PHIP: variants seen among roughly 807,000 people sequenced by gnomAD.
The protein encoded by PHIP is PH-interacting protein.
A neutral mutation model predicts 236.8 loss-of-function variants in PHIP; 54 were observed. The observed-to-expected ratio is 0.23, with a 90% CI of 0.18 to 0.29. PHIP has a LOEUF of 0.29. Among genes scored for constraint, PHIP ranks in the 10% least tolerant of loss-of-function variants. The pLI is 1.00. For missense variants in PHIP, 1,370 were observed against 2,190.8 expected, an observed-to-expected ratio of 0.63 and a Z score of 7.48; for synonymous variants, 756 against 718.9, an observed-to-expected ratio of 1.05 and a Z score of -0.83.
chr6:78,982,503 T>C (rs1209752886), intron 23 of PHIP, among the ~76,000 whole-genome samples: 1 of 152,036 alleles, frequency 6.6e-6, no homozygotes, highest in Non-Finnish European at 1.5e-5. Flanking sequence ...ACTTTGTTTA[T>C]TTTCAGCAAT....
At chr6:79,048,506 T>G (rs9352686) in intron 6 of PHIP, among the ~76,000 whole-genome samples, 67,998 of 151,462 alleles carry the variant, frequency 0.45, 15,870 homozygotes, top group East Asian at 0.69. Flanking sequence ...CCCTACAAAA[T>G]GTTTAGACTT....
intron 4 of PHIP, among the ~76,000 whole-genome samples, chr6:79,064,813 T>C (rs535767537): frequency 1.3e-5 from 2 of 152,346 alleles, no homozygotes; most frequent in East Asian, 1.9e-4. Flanking sequence ...ACAATTGTTA[T>C]AACAATGATT....
chr6:79,052,302 C>A (rs1320620567), intron 6 of PHIP, among the ~76,000 whole-genome samples: 1 of 152,142 alleles, frequency 6.6e-6, no homozygotes, highest in Non-Finnish European at 1.5e-5. Context: ...GAGGAAACAG[C>A]ATGTGCAATA....
rs1245737096 is a variant in PHIP at position 78,935,553 on chromosome 6, C to T, written c.*5140G>A. On this transcript the variant is annotated 3_prime_UTR_variant, in exon 40 of 40. Transcript: ENST00000275034. ...TCTGAATAGTGAAGTATTTATCACT[C>T]ATCACAGTAACTTACGGTAAGAAAT... 3.1e-6 allele frequency: 3 copies of T among 962,300 alleles called. No individual in the cohort carries two copies. The highest frequency in any genetic ancestry group is 3.7e-6 in the Non-Finnish European group (3 of 809,024). The allele number at this position is 962,300 out of a possible 1,614,324, so 59.6% of individuals were successfully genotyped here.
chr6:78,949,952 G>A (rs573858453), intron 35 of PHIP, among the ~76,000 whole-genome samples: 1 of 152,290 alleles, frequency 6.6e-6, no homozygotes, highest in South Asian at 2.1e-4. Context: ...GCCTCCCAAA[G>A]TGCTGGGATT....
In PHIP at chr6:79,047,477, C is replaced by T. The variant is rs977642496; in HGVS notation, c.440-4474G>A. 3.9e-5 allele frequency among the ~76,000 whole-genome samples: 6 copies of T among 152,242 alleles called. 1 individual carries two copies. The South Asian group carries it at 6.2e-4, about 16-fold the overall frequency. On this transcript the variant is annotated intron_variant, in intron 6 of 39. Transcript: ENST00000275034. ...TCTATAGCAATCACTTTTAAAATTT[C>T]GCAAAGGTTTACCTCAAAAACAGCA... is the stretch of plus-strand genomic sequence containing the variant.
At chr6:79,004,079 A>G (rs1770156431) in intron 15 of PHIP, among the ~76,000 whole-genome samples, 1 of 152,138 alleles carries the variant, frequency 6.6e-6, no homozygotes. Flanking sequence ...AACACAATTC[A>G]GGAAATAAAA....
At chr6:78,955,774 A>AACCAT (rs1766382657) in intron 32 of PHIP, 92 bp from the exon 33 acceptor site, 1 of 520,262 alleles carries the variant, frequency 1.9e-6, no homozygotes, top group African/African-American at 2.0e-5. Flanking sequence ...TTTAAGGTAA[A>AACCAT]AGTTGAAGCT....
intron 7 of PHIP, among the ~76,000 whole-genome samples, chr6:79,032,955 G>A (rs562347836): frequency 6.6e-6 from 1 of 152,132 alleles, no homozygotes; most frequent in African/African-American, 2.4e-5. Flanking sequence ...CAGAATAAAT[G>A]TATTGTCAGC....
chr6:78,947,618 T>C lies in PHIP; in HGVS notation c.4206+5A>G, dbSNP rs950246223. Reference sequence around the variant, plus strand: ...GTCATAAAAGAAAATAATGTAATTATATACCCTTGATCTTTTGCTTGGTGT... The same window carrying C: ...GTCATAAAAGAAAATAATGTAATTACATACCCTTGATCTTTTGCTTGGTGT... On this transcript the variant is annotated splice_donor_5th_base_variant and intron_variant, in intron 36 of 39. Transcript: ENST00000275034. The C allele has an allele frequency of 3.0e-6, 4 of 1,316,992 alleles. No individual in the cohort carries two copies. In the South Asian group the frequency reaches 3.8e-5, roughly 13 times the overall value. 81.6% of individuals were successfully genotyped at this position (1,316,992 alleles called of 1,614,324 possible). A position where few individuals can be genotyped will look rare whatever the true frequency, so the allele number is the denominator to read the frequency against.
chr6:78,976,100 C>A (rs1048285488), intron 24 of PHIP, among the ~76,000 whole-genome samples: 1,603 of 150,848 alleles, frequency 0.011, 32 homozygotes, highest in African/African-American at 0.036. Flanking sequence ...AAGCTGGAGG[C>A]ATCACACTAC....
At position 79,015,661 on chromosome 6, in the gene PHIP, G is replaced by A. The variant is rs1450739197; in HGVS notation, c.1358C>T (p.Ser453Phe). 6.2e-7 allele frequency: 1 copy of A among 1,608,290 alleles called. No individual in the cohort carries two copies. The highest frequency in any genetic ancestry group is 8.5e-7 in the Non-Finnish European group (1 of 1,176,340). Residue 453 changes from serine (S) to phenylalanine (F), a missense_variant, in exon 14 of 40, where the codon TCT (serine) becomes TTT (phenylalanine). Around this residue, in one of 14 missense-constraint regions of PHIP, gnomAD observed 188 missense variants for 354.3 expected, o/e 0.53. Transcript: ENST00000275034. ...VNNMTLKVWNSYTGQLIHVLM... is the reference protein window; with the variant it reads ...VNNMTLKVWNFYTGQLIHVLM... Reference sequence around the variant, plus strand: ...GACATGAATTAGTTGACCAGTGTAAGAATTCCAAACTTTCAGAGTCATGTT... The same window carrying A: ...GACATGAATTAGTTGACCAGTGTAAAAATTCCAAACTTTCAGAGTCATGTT...
chr6:78,993,837 A>G (rs935586582), intron 19 of PHIP, among the ~76,000 whole-genome samples: 1 of 152,196 alleles, frequency 6.6e-6, no homozygotes, highest in African/African-American at 2.4e-5. Context: ...AATAATTTCT[A>G]TTTTCAAGTC....
intron 4 of PHIP, among the ~76,000 whole-genome samples, chr6:79,073,776 C>T (rs748615209): frequency 6.6e-6 from 1 of 152,022 alleles, no homozygotes; most frequent in Non-Finnish European, 1.5e-5. Context: ...CATTTTACAA[C>T]GTAGTTAGTG....
intron 24 of PHIP, among the ~76,000 whole-genome samples, chr6:78,973,793 TG>T (rs1767810089): frequency 6.6e-6 from 1 of 151,800 alleles, no homozygotes; most frequent in African/African-American, 2.4e-5. Context: ...CATTACATAA[TG>T]GTAAAGGGGT....
rs1774251594 is a variant in PHIP at position 79,077,683 on chromosome 6, G to C, written c.129+17C>G. The C allele has an allele frequency of 1.0e-6, 1 of 983,442 alleles. No individual in the cohort carries two copies. The highest frequency in any genetic ancestry group is 1.2e-6 in the Non-Finnish European group (1 of 830,578). The allele number at this position is 983,442 out of a possible 1,614,324, so 60.9% of individuals were successfully genotyped here. A position where few individuals can be genotyped will look rare whatever the true frequency, so the allele number is the denominator to read the frequency against. ...GCCGCGCGGCGGCGGGACGCGCCGG[G>C]CCGCCGCCGCCCTTACCTCCTTCTC... On this transcript the variant is annotated intron_variant, in intron 3 of 39. Transcript: ENST00000275034.
At chr6:79,036,773 T>C (rs1771955154) in intron 7 of PHIP, among the ~76,000 whole-genome samples, 1 of 151,484 alleles carries the variant, frequency 6.6e-6, no homozygotes, top group Non-Finnish European at 1.5e-5. Flanking sequence ...TACAAAAAAT[T>C]AGCCAGGCGT....
rs190917020 is a variant in PHIP, at chr6:78,995,222, G to A, written c.2201+2192C>T. The stretch of plus-strand genomic sequence containing the variant: ...TGCTGTTCCTTTTTATTGCACAGTA[G>A]TAGTCCATGGTGTGAATATACCATT... On this transcript the variant is annotated intron_variant, in intron 19 of 39. Transcript: ENST00000275034. 5.3e-4 allele frequency among the ~76,000 whole-genome samples: 80 copies of A among 152,180 alleles called. 1 individual carries two copies. The highest frequency in any genetic ancestry group is 1.9e-3 in the African/African-American group (78 of 41,432).
At chr6:78,991,958 T>C (rs1769274844) in intron 19 of PHIP, among the ~76,000 whole-genome samples, 1 of 151,162 alleles carries the variant, frequency 6.6e-6, no homozygotes, top group African/African-American at 2.4e-5. Flanking sequence ...TTCCCCCAAA[T>C]AGTAACTTTT....
Sources: allele counts gnomAD v4.1 joint callset (sites outside exome capture counted in the v4.1 genomes callset), GRCh38; gene constraint gnomAD v4.1.1; regional missense constraint gnomAD v4.1.1; transcripts MANE v1.5; gene names NCBI Gene and HGNC (gene_info 2026-07-23, HGNC 2026-07-21).